Variants in CYP4X1 observed in about 807,000 individuals in gnomAD.
The protein encoded by CYP4X1 is cytochrome P450 4X1.
Under a neutral mutation model 57.9 loss-of-function variants are expected in CYP4X1, and 44 were observed. That is an observed-to-expected ratio of 0.76 (90% confidence interval 0.60 to 0.98). CYP4X1 has a LOEUF of 0.98. CYP4X1 is among the 50% of genes least tolerant of loss of function. CYP4X1 has a pLI of 0.00. For missense variants in CYP4X1, 532 were observed against 623.9 expected (o/e 0.85, Z 1.57); for synonymous variants, 227 against 228.6 (o/e 0.99, Z 0.06).
At chr1:47,006,331 T>G in the CYP4X1 span, among the ~76,000 whole-genome samples, 1 of 152,180 alleles carries the variant, frequency 6.6e-6, no homozygotes, top group South Asian at 2.1e-4. Flanking sequence ...AAGTTTTAGG[T>G]TACCAAGCAT....
At chr1:47,043,905 C>G (rs1644273923) in intron 8 of CYP4X1, among the ~76,000 whole-genome samples, 1 of 152,060 alleles carries the variant, frequency 6.6e-6, no homozygotes, top group South Asian at 2.1e-4. Context: ...GATAAAAGTT[C>G]AGCTACCTTT....
downstream of CYP4X1, among the ~76,000 whole-genome samples, chr1:47,055,268 C>A (rs1314290449): frequency 6.6e-6 from 1 of 152,170 alleles, no homozygotes; most frequent in East Asian, 1.9e-4. Flanking sequence ...AGTGATGAAG[C>A]CCACTTGATC....
downstream of CYP4X1, among the ~76,000 whole-genome samples, chr1:47,054,177 T>C (rs1307258347): frequency 1.3e-5 from 2 of 151,616 alleles, 1 homozygote; most frequent in Non-Finnish European, 2.9e-5. Flanking sequence ...AAATAGGGAA[T>C]TGTTTCCCCA....
At chr1:47,037,165 A>G (rs1322007703) in intron 6 of CYP4X1, among the ~76,000 whole-genome samples, 1 of 152,224 alleles carries the variant, frequency 6.6e-6, no homozygotes, top group Non-Finnish European at 1.5e-5. Flanking sequence ...TTTGTAAAAA[A>G]AAATCTTTAC....
chr1:47,034,160 G>A (rs1031363911), intron 4 of CYP4X1, among the ~76,000 whole-genome samples: 1 of 152,206 alleles, frequency 6.6e-6, no homozygotes, highest in Non-Finnish European at 1.5e-5. Flanking sequence ...ATATGGATGA[G>A]AGTATTCGAG....
At position 47,048,567 on chromosome 1, in the gene CYP4X1, A is replaced by G. The variant is rs2148516948; in HGVS notation, c.1210A>G (p.Ile404Val). ...CTTTTATTTCCCTCCTTTCTTAGGG[A>G]TCACCGTGGTTCTTAGTATTTGGGG... ...FPDGCTLPAG[I>V]TVVLSIWGLH... Residue 404 changes from isoleucine (I) to valine (V), a missense_variant and splice_region_variant, in exon 10 of 12, where the codon ATC (isoleucine) becomes GTC (valine). Transcript: ENST00000371901. The G allele has an allele frequency of 6.2e-7, 1 of 1,614,050 alleles. No individual in the cohort carries two copies. The highest frequency in any genetic ancestry group is 2.2e-5 in the East Asian group (1 of 44,874).
At chr1:47,006,216 G>T in the CYP4X1 span, among the ~76,000 whole-genome samples, 1 of 152,146 alleles carries the variant, frequency 6.6e-6, no homozygotes, top group Non-Finnish European at 1.5e-5. Flanking sequence ...ATGAAGAAAG[G>T]TTTGTGATAT....
chr1:46,986,717 G>A, the CYP4X1 span, among the ~76,000 whole-genome samples: 4 of 152,260 alleles, frequency 2.6e-5, no homozygotes, highest in Non-Finnish European at 4.4e-5. Flanking sequence ...AGAAGAAAGT[G>A]GGGGCCAATA....
At chr1:46,974,813 C>A in the CYP4X1 span, among the ~76,000 whole-genome samples, 145 of 152,098 alleles carry the variant, frequency 9.5e-4, 2 homozygotes, top group East Asian at 0.023. Context: ...TTTCTTTGAG[C>A]CTATGGATGT....
At chr1:47,028,341 C>T (rs1644091987) in intron 1 of CYP4X1, among the ~76,000 whole-genome samples, 1 of 152,160 alleles carries the variant, frequency 6.6e-6, no homozygotes, top group Non-Finnish European at 1.5e-5. Context: ...GTCTGTAGGG[C>T]TCAATTTCCT....
At chr1:47,014,885 T>C in the CYP4X1 span, among the ~76,000 whole-genome samples, 1 of 152,212 alleles carries the variant, frequency 6.6e-6, no homozygotes, top group African/African-American at 2.4e-5. Context: ...TCAAAGGAAC[T>C]GGAAACATCA....
At chr1:46,981,045 G>T in the CYP4X1 span, among the ~76,000 whole-genome samples, 1 of 151,916 alleles carries the variant, frequency 6.6e-6, no homozygotes, top group Admixed American at 6.6e-5. Flanking sequence ...GAAAACCTAG[G>T]CAATACCATT....
chr1:46,983,379 C>G, the CYP4X1 span, among the ~76,000 whole-genome samples: 1 of 152,242 alleles, frequency 6.6e-6, no homozygotes, highest in Non-Finnish European at 1.5e-5. Flanking sequence ...TCCTTTTCAT[C>G]TAGCCATTGT....
the CYP4X1 span, among the ~76,000 whole-genome samples, chr1:47,010,497 G>T: frequency 6.6e-6 from 1 of 152,152 alleles, no homozygotes; most frequent in African/African-American, 2.4e-5. Flanking sequence ...TTGAAAACTG[G>T]CACAAGACAG....
the CYP4X1 span, among the ~76,000 whole-genome samples, chr1:46,971,643 T>C: frequency 2.0e-5 from 3 of 152,252 alleles, no homozygotes; most frequent in African/African-American, 7.2e-5. Flanking sequence ...GATCTCTCAT[T>C]GAGGTTTTGA....
chr1:47,037,747 T>A (rs550674562), intron 6 of CYP4X1, among the ~76,000 whole-genome samples: 1 of 152,274 alleles, frequency 6.6e-6, no homozygotes, highest in African/African-American at 2.4e-5. Flanking sequence ...GTACCCAGGT[T>A]GTAGAGAAAA....
chr1:46,994,316 C>G, the CYP4X1 span: 1 of 152,250 alleles, frequency 6.6e-6, no homozygotes, highest in Admixed American at 6.5e-5. Flanking sequence ...CAGTACCATG[C>G]TGTTTTGATT....
intron 6 of CYP4X1, among the ~76,000 whole-genome samples, chr1:47,037,582 T>A (rs924549503): frequency 5.9e-5 from 9 of 152,114 alleles, no homozygotes; most frequent in African/African-American, 2.2e-4. Flanking sequence ...ATTAGATAAG[T>A]CCTTGTTGTC....
the CYP4X1 span, among the ~76,000 whole-genome samples, chr1:46,990,920 G>A: frequency 5.9e-5 from 9 of 151,962 alleles, no homozygotes; most frequent in African/African-American, 2.2e-4. Context: ...GTTAGGAGAG[G>A]GATAGCATTA....
Sources: gnomAD v4.1 joint callset for allele counts (sites outside exome capture counted in the v4.1 genomes callset) on GRCh38, gnomAD v4.1.1 for gene constraint, MANE v1.5 for transcripts, NCBI Gene and HGNC (gene_info 2026-07-23, HGNC 2026-07-21) for gene names.